Variants in DAAM1 observed in about 807,000 individuals in gnomAD.
DAAM1 encodes disheveled-associated activator of morphogenesis 1.
Under a neutral mutation model 130.0 loss-of-function variants are expected in DAAM1, and 52 were observed. That is an observed-to-expected ratio of 0.40 (90% CI 0.32 to 0.50). The LOEUF is 0.50. Ranked by LOEUF, DAAM1 falls within the 20% of genes least tolerant of loss-of-function variation. The pLI is 0.61. For missense variants in DAAM1, 1,134 were observed against 1,303.8 expected (o/e 0.87, Z 2.01); for synonymous variants, 452 against 444.5 (o/e 1.02, Z -0.21).
In DAAM1 at chr14:59,189,845, T is replaced by A. The variant is rs1316981903; in HGVS notation, c.-38+1077T>A. 1.2e-4 allele frequency among the ~76,000 whole-genome samples: 18 copies of A among 152,206 alleles called. 1 individual carries two copies. The highest frequency in any genetic ancestry group is 1.2e-3 in the Admixed American group (18 of 15,278). On this transcript the variant is annotated intron_variant, in intron 1 of 24. Coordinates refer to ENST00000360909, the MANE Select transcript of DAAM1 (RefSeq NM_001270520.2). The stretch of plus-strand genomic sequence containing the variant: ...TCTCAAGTTGTTCACGGCCTGGCTT[T>A]GCGGAGCTACCTCTCGCCCCATAAC...
At chr14:59,358,651 T>G (rs751138298) in intron 20 of DAAM1, among the ~76,000 whole-genome samples, 5 of 152,122 alleles carry the variant, frequency 3.3e-5, no homozygotes, top group Admixed American at 1.3e-4. Flanking sequence ...GGGACCATCC[T>G]GACCAACATG....
chr14:59,207,337 G>T (rs1343869975), intron 1 of DAAM1, among the ~76,000 whole-genome samples: 1 of 152,132 alleles, frequency 6.6e-6, no homozygotes, highest in Non-Finnish European at 1.5e-5. Flanking sequence ...GTGTGTTTTT[G>T]GCAAGTGAGT....
intron 1 of DAAM1, among the ~76,000 whole-genome samples, chr14:59,258,571 T>G (rs1882014865): frequency 6.6e-6 from 1 of 152,238 alleles, no homozygotes; most frequent in South Asian, 2.1e-4. Flanking sequence ...GGGCAGTTGT[T>G]GGGATCACTA....
At chr14:59,241,671 A>G (rs1404289005) in intron 1 of DAAM1, among the ~76,000 whole-genome samples, 1 of 152,220 alleles carries the variant, frequency 6.6e-6, no homozygotes, top group Non-Finnish European at 1.5e-5. Flanking sequence ...CAGAAGGAAG[A>G]GCTTCCCTGT....
intron 15 of DAAM1, among the ~76,000 whole-genome samples, chr14:59,332,370 T>G (rs1261228237): frequency 6.6e-6 from 1 of 152,202 alleles, no homozygotes; most frequent in Non-Finnish European, 1.5e-5. Context: ...TTTAGAAGTA[T>G]GGAGGTTTTT....
chr14:59,230,333 G>A (rs1284949557), intron 1 of DAAM1, among the ~76,000 whole-genome samples: 1 of 151,314 alleles, frequency 6.6e-6, no homozygotes, highest in Non-Finnish European at 1.5e-5. Flanking sequence ...CCACAAGCTA[G>A]GATTCCCTTA....
intron 12 of DAAM1, 143 bp downstream of exon 12, chr14:59,327,134 G>T (rs1885234716): frequency 1.2e-6 from 1 of 816,702 alleles, no homozygotes; most frequent in South Asian, 1.8e-5. Context: ...AGGGCATTTT[G>T]CACTGAGTTT....
intron 12 of DAAM1, among the ~76,000 whole-genome samples, chr14:59,329,429 T>C (rs972624159): frequency 1.3e-5 from 2 of 152,124 alleles, no homozygotes; most frequent in African/African-American, 4.8e-5. Context: ...TCCAGGGATT[T>C]TAGTGGCTTG....
chr14:59,327,407 T>TTTTTTTTTTTTC (rs1885254246), intron 12 of DAAM1, among the ~76,000 whole-genome samples: 1 of 122,566 alleles, frequency 8.2e-6, no homozygotes, highest in Admixed American at 8.2e-5. Flanking sequence ...GGTTTCTTTT[T>TTTTTTTTTTTTC]TTTTTTTTTT....
chr14:59,268,943 G>A lies in DAAM1; in HGVS notation c.183+5283G>A, dbSNP rs541896296. Reference sequence around the variant, plus strand: ...CCAACCTATCCGAAGAGTCCTAAGCGTGACAACTCTATAAATCGTCCTTAT... The same window carrying A: ...CCAACCTATCCGAAGAGTCCTAAGCATGACAACTCTATAAATCGTCCTTAT... On this transcript the variant is annotated intron_variant, in intron 2 of 24. Transcript: ENST00000360909. Among the ~76,000 whole-genome samples the A allele has an allele frequency of 6.6e-5, 10 of 152,312 alleles. No individual in the cohort carries two copies. The South Asian group carries it at 1.7e-3, about 25-fold the overall frequency.
rs1409747950 is a variant in DAAM1 at position 59,326,031 on chromosome 14, T to G, written c.1128T>G (p.Ala376=). 1.9e-6 allele frequency: 3 copies of G among 1,614,104 alleles called. No individual in the cohort carries two copies. The African/African-American group carries it at 4.0e-5, about 22-fold the overall frequency. ...GGAAGAGGCTGACACATAGTGAAGC[T>G]TACCCGCATTTCATGTCCATCCTGC... ...LTRKRLTHSE[A]YPHFMSILHH... is the part of the protein sequence containing the mutation. The change falls in exon 10 of 25, where the codon GCT becomes GCG. Residue 376 remains alanine (A), a synonymous_variant. Transcript: ENST00000360909.
intron 1 of DAAM1, among the ~76,000 whole-genome samples, chr14:59,195,977 G>C (rs753850249): frequency 5.3e-5 from 8 of 152,052 alleles, no homozygotes; most frequent in Admixed American, 2.6e-4. Context: ...GGCAAAAAAA[G>C]GTGCCATATT....
chr14:59,193,242 G>A (rs1887786430), intron 1 of DAAM1, among the ~76,000 whole-genome samples: 1 of 152,346 alleles, frequency 6.6e-6, no homozygotes, highest in Non-Finnish European at 1.5e-5. Context: ...CACTTAGCAA[G>A]TGTACTGTCT....
intron 20 of DAAM1, among the ~76,000 whole-genome samples, chr14:59,356,537 A>T (rs186685070): frequency 6.6e-6 from 1 of 152,218 alleles, no homozygotes; most frequent in Non-Finnish European, 1.5e-5. Context: ...CAGCTTGCCT[A>T]TGGTTACAAC....
intron 1 of DAAM1, among the ~76,000 whole-genome samples, chr14:59,248,766 C>A (rs1185255441): frequency 6.6e-6 from 1 of 152,216 alleles, no homozygotes; most frequent in South Asian, 2.1e-4. Flanking sequence ...CCTTTGTTTT[C>A]CTGAGAGTCC....
chr14:59,349,711 A>G (rs1886216241), intron 17 of DAAM1, among the ~76,000 whole-genome samples: 1 of 152,190 alleles, frequency 6.6e-6, no homozygotes, highest in African/African-American at 2.4e-5. Flanking sequence ...TCCTCGGAAC[A>G]CATATCTTTA....
At chr14:59,219,611 C>T (rs1888707233) in intron 1 of DAAM1, among the ~76,000 whole-genome samples, 1 of 152,096 alleles carries the variant, frequency 6.6e-6, no homozygotes, top group Non-Finnish European at 1.5e-5. Flanking sequence ...ACTCTTTCCT[C>T]CAAGAGTAAA....
At chr14:59,222,081 A>G (rs753830523) in intron 1 of DAAM1, among the ~76,000 whole-genome samples, 1 of 152,212 alleles carries the variant, frequency 6.6e-6, no homozygotes, top group Non-Finnish European at 1.5e-5. Context: ...GCTACGTAGC[A>G]TGTAACTGAG....
chr14:59,226,282 A>G (rs1443291961), intron 1 of DAAM1, among the ~76,000 whole-genome samples: 1 of 152,232 alleles, frequency 6.6e-6, no homozygotes, highest in African/African-American at 2.4e-5. Context: ...GGCACCAAGT[A>G]GCACCAAAGG....
Sources: allele counts gnomAD v4.1 joint callset (sites outside exome capture counted in the v4.1 genomes callset), GRCh38; gene constraint gnomAD v4.1.1; transcripts MANE v1.5; gene names NCBI Gene and HGNC (gene_info 2026-07-23, HGNC 2026-07-21).